Variants in CD99L2 observed in about 807,000 individuals in gnomAD.
The protein encoded by CD99L2 is CD99 antigen-like protein 2.
Under a neutral mutation model 27.3 loss-of-function variants are expected in CD99L2, and 24 were observed. That is an observed-to-expected ratio of 0.88 (90% CI 0.64 to 1.24). CD99L2 has a LOEUF of 1.24. CD99L2 is among the 50% of genes most tolerant of loss of function. The pLI, the probability that CD99L2 is intolerant of heterozygous loss-of-function variation, is 0.00. For missense variants in CD99L2, 255 were observed against 221.6 expected (o/e 1.15, Z -0.96); for synonymous variants, 97 against 87.9 (o/e 1.10, Z -0.58).
chrX:150,888,960 T>C (rs1276842766), intron 1 of CD99L2, among the ~76,000 whole-genome samples: 5 of 112,430 alleles, frequency 4.4e-5, no homozygotes, highest in Non-Finnish European at 9.4e-5. Flanking sequence ...TAGTAAACAG[T>C]TGTTTCAAGC....
At chrX:150,769,237 C>T (rs1469677957) in intron 10 of CD99L2, 136 bp from the exon 11 acceptor site, 6 of 709,026 alleles carry the variant, frequency 8.5e-6, no homozygotes, top group Non-Finnish European at 1.2e-5. Flanking sequence ...GCAACCTTCC[C>T]TCCTGAGCCT....
At chrX:150,776,397 C>G in intron 8 of CD99L2, 104 bp from the exon 9 acceptor site, 7 of 944,442 alleles carry the variant, frequency 7.4e-6, no homozygotes, top group Non-Finnish European at 9.9e-6. Context: ...AACTACTAGA[C>G]GCCCCCAACC....
Position 150,784,868 on chromosome X carries a change from TCCTGTACCAGCGGAGTGACAGAAG to T in CD99L2, c.497-7410_497-7387del, listed in dbSNP as rs782749972. On this transcript the variant is annotated intron_variant, in intron 7 of 10. Transcript: ENST00000370377. ...CTGTGGTTCAGAATGACATGTGCTA[TCCTGTACCAGCGGAGTGACAGAAG>T]CTCTAGGAGAGCCCAGGGGCAGGAG... Among the ~76,000 whole-genome samples the T allele has an allele frequency of 2.6e-4, 29 of 112,103 alleles. No homozygotes were observed. In the East Asian group the frequency reaches 8.2e-3, roughly 32 times the overall value.
chrX:150,783,301 C>A (rs111252143), intron 7 of CD99L2, among the ~76,000 whole-genome samples: 1,784 of 110,387 alleles, frequency 0.016, 48 homozygotes, highest in African/African-American at 0.056. Context: ...TAAAGTATAT[C>A]TCTCTCTCTA....
chrX:150,791,066 G>C (rs1369692497), intron 7 of CD99L2, among the ~76,000 whole-genome samples: 1 of 111,138 alleles, frequency 9.0e-6, no homozygotes, highest in Non-Finnish European at 1.9e-5. Flanking sequence ...CAAGAAGATA[G>C]CCATCTCCAA....
Position 150,813,561 on chromosome X carries a change from G to A in CD99L2, c.277+1301C>T, listed in dbSNP as rs372390582. On this transcript the variant is annotated intron_variant, in intron 4 of 10. Transcript: ENST00000370377. ...CATGGTTTTAAGCTACTAAGTTTAT[G>A]ATAGCATGTTCAGCAGCACTGGAAA... Among the ~76,000 whole-genome samples, 23 of 112,260 alleles carry A rather than the reference G, an allele frequency of 2.0e-4. No homozygotes were observed. In the East Asian group the frequency reaches 6.2e-3, roughly 30 times the overall value.
intron 4 of CD99L2, among the ~76,000 whole-genome samples, chrX:150,814,290 T>G (rs1557420412): frequency 1.8e-5 from 2 of 112,357 alleles, no homozygotes; most frequent in African/African-American, 6.5e-5. Context: ...GGGCCAAGTT[T>G]TGGTGTCCTA....
rs902516923 is a variant in CD99L2, at chrX:150,850,869, G to A, written c.68-19576C>T. On this transcript the variant is annotated intron_variant, in intron 1 of 10. Coordinates refer to ENST00000370377, the MANE Select transcript of CD99L2 (RefSeq NM_031462.4). Reference sequence around the variant, plus strand: ...TTTTTGTTTTTTGAGATGAAGTCTCGCTCTGTCACCCAGACAGAAGTGCAG... The same window carrying A: ...TTTTTGTTTTTTGAGATGAAGTCTCACTCTGTCACCCAGACAGAAGTGCAG... Among the ~76,000 whole-genome samples, 20 of 109,634 alleles carry A rather than the reference G, an allele frequency of 1.8e-4. No homozygotes were observed. In the Admixed American group the frequency reaches 1.9e-3, roughly 10 times the overall value.
chrX:150,801,944 G>A (rs1459591386), intron 4 of CD99L2, among the ~76,000 whole-genome samples: 3 of 111,951 alleles, frequency 2.7e-5, no homozygotes, highest in Admixed American at 9.4e-5. Context: ...TATAGCTATC[G>A]TCAGACTTAA....
intron 1 of CD99L2, among the ~76,000 whole-genome samples, chrX:150,888,006 G>GTGCGGCAGTTTTAAATGATGGC (rs782333356): frequency 0.049 from 5,487 of 111,053 alleles, 169 homozygotes; most frequent in African/African-American, 0.096. Flanking sequence ...TGTGAGATTT[G>GTGCGGCAGTTTTAAATGATGGC]TGCGGCAGTT....
chrX:150,851,265 A>G (rs782245943), intron 1 of CD99L2, among the ~76,000 whole-genome samples: 1 of 111,791 alleles, frequency 8.9e-6, no homozygotes, highest in Admixed American at 9.5e-5. Context: ...CCCTTTTCCC[A>G]TTCTGTAGAA....
chrX:150,804,970 G>A (rs918340252), intron 4 of CD99L2, among the ~76,000 whole-genome samples: 1 of 111,958 alleles, frequency 8.9e-6, no homozygotes, highest in Non-Finnish European at 1.9e-5. Flanking sequence ...AGGATCACCT[G>A]AGCACATGAG....
chrX:150,867,235 C>A (rs915977554), intron 1 of CD99L2, among the ~76,000 whole-genome samples: 1 of 110,530 alleles, frequency 9.0e-6, no homozygotes, highest in African/African-American at 3.3e-5. Context: ...CGTGGCAAAA[C>A]CCTGTCTGTA....
At chrX:150,792,651 C>G (rs1403113609) in intron 7 of CD99L2, among the ~76,000 whole-genome samples, 1 of 111,933 alleles carries the variant, frequency 8.9e-6, no homozygotes, top group Non-Finnish European at 1.9e-5. Flanking sequence ...CCAGATACAC[C>G]CATAACTTGT....
chrX:150,817,778 A>G (rs2046184791), intron 2 of CD99L2, among the ~76,000 whole-genome samples: 1 of 111,532 alleles, frequency 9.0e-6, no homozygotes, highest in Admixed American at 9.6e-5. Flanking sequence ...GCTTAAGCCC[A>G]TAAGTTTGAG....
chrX:150,809,506 T>C (rs782782697), intron 4 of CD99L2, among the ~76,000 whole-genome samples: 1 of 112,286 alleles, frequency 8.9e-6, no homozygotes, highest in Non-Finnish European at 1.9e-5. Context: ...TTATTAGAGC[T>C]CAACCATGAG....
chrX:150,809,949 G>A (rs1192055392), intron 4 of CD99L2, among the ~76,000 whole-genome samples: 1 of 111,777 alleles, frequency 8.9e-6, no homozygotes, highest in Admixed American at 9.5e-5. Flanking sequence ...AAAAAACAGA[G>A]ACTCAAAATA....
intron 1 of CD99L2, among the ~76,000 whole-genome samples, chrX:150,865,246 G>A (rs184658242): frequency 7.4e-4 from 81 of 109,725 alleles, no homozygotes; most frequent in African/African-American, 2.4e-3. Flanking sequence ...GCCTATAATC[G>A]TAACACTTTG....
intron 1 of CD99L2, among the ~76,000 whole-genome samples, chrX:150,894,241 G>A (rs782567013): frequency 8.9e-6 from 1 of 111,965 alleles, no homozygotes; most frequent in South Asian, 3.7e-4. Context: ...TATAAATGAT[G>A]CCTTTCAAGG....
Sources: allele counts gnomAD v4.1 joint callset (sites outside exome capture counted in the v4.1 genomes callset), GRCh38; gene constraint gnomAD v4.1.1; transcripts MANE v1.5; gene names NCBI Gene and HGNC (gene_info 2026-07-23, HGNC 2026-07-21).